GPC5: variants seen among roughly 807,000 people sequenced by gnomAD.
GPC5 encodes glypican-5.
In GPC5, 47 loss-of-function variants were observed where a neutral mutation model predicts 53.9. The observed-to-expected ratio is 0.87, with a 90% CI of 0.69 to 1.11. GPC5 has a LOEUF of 1.11. Ranked by LOEUF, GPC5 falls within the 50% of genes most tolerant of loss-of-function variation. The pLI, the probability that GPC5 is intolerant of heterozygous loss-of-function variation, is 0.00. For missense variants in GPC5, 748 were observed against 713.1 expected (o/e 1.05, Z -0.56); for synonymous variants, 286 against 263.3 (o/e 1.09, Z -0.84).
At chr13:92,864,355 A>G (rs548186543) in intron 7 of GPC5, among the ~76,000 whole-genome samples, 7 of 152,306 alleles carry the variant, frequency 4.6e-5, no homozygotes, top group African/African-American at 1.7e-4. Flanking sequence ...GCTTGCAGGC[A>G]TAAGATTTAA....
intron 7 of GPC5, among the ~76,000 whole-genome samples, chr13:92,301,645 G>A (rs1046263649): frequency 2.0e-5 from 3 of 151,962 alleles, no homozygotes; most frequent in Non-Finnish European, 4.4e-5. Context: ...CCAGCACTTC[G>A]GGAGACCAAG....
intron 7 of GPC5, among the ~76,000 whole-genome samples, chr13:92,246,495 A>G (rs570451458): frequency 4.4e-4 from 67 of 152,234 alleles, no homozygotes; most frequent in African/African-American, 1.6e-3. Flanking sequence ...TCATTTGCCA[A>G]TAAGCCACAC....
intron 7 of GPC5, among the ~76,000 whole-genome samples, chr13:92,850,008 G>A (rs1218092269): frequency 6.6e-6 from 1 of 152,184 alleles, no homozygotes; most frequent in African/African-American, 2.4e-5. Context: ...CAAAGATTCA[G>A]TGGCAAGACC....
intron 2 of GPC5, among the ~76,000 whole-genome samples, chr13:91,603,140 T>C (rs2033234787): frequency 6.6e-6 from 1 of 152,220 alleles, no homozygotes. Flanking sequence ...ACTGGCCATG[T>C]ATTACTGGAG....
intron 7 of GPC5, among the ~76,000 whole-genome samples, chr13:92,407,617 G>A (rs954587619): frequency 1.3e-5 from 2 of 152,086 alleles, no homozygotes; most frequent in Non-Finnish European, 2.9e-5. Context: ...AATTGAATAT[G>A]TAGCTATATG....
chr13:91,624,688 C>A (rs551823985), intron 2 of GPC5, among the ~76,000 whole-genome samples: 1 of 151,998 alleles, frequency 6.6e-6, no homozygotes, highest in East Asian at 1.9e-4. Context: ...CATGTTTTAT[C>A]ATAATAAAAT....
At chr13:91,885,351 T>G (rs1346526293) in intron 5 of GPC5, among the ~76,000 whole-genome samples, 1 of 152,248 alleles carries the variant, frequency 6.6e-6, no homozygotes, top group African/African-American at 2.4e-5. Flanking sequence ...ATTTTAGTTT[T>G]AAGGAAGTTT....
At chr13:92,557,114 C>T (rs1425589871) in intron 7 of GPC5, among the ~76,000 whole-genome samples, 1 of 151,178 alleles carries the variant, frequency 6.6e-6, no homozygotes, top group Non-Finnish European at 1.5e-5. Context: ...AAAAAAGGGA[C>T]GGGGGAGATC....
chr13:91,688,074 T>C (rs538781702), intron 2 of GPC5, among the ~76,000 whole-genome samples: 9 of 152,136 alleles, frequency 5.9e-5, no homozygotes, highest in Non-Finnish European at 1.2e-4. Flanking sequence ...ATCAAAATGT[T>C]AATTCAGTAA....
chr13:92,272,435 A>C (rs1463255830), intron 7 of GPC5, among the ~76,000 whole-genome samples: 1 of 152,200 alleles, frequency 6.6e-6, no homozygotes, highest in Non-Finnish European at 1.5e-5. Flanking sequence ...TGATTTATGA[A>C]ATAGAATTGA....
chr13:92,228,761 AACAC>A (rs965504531), intron 7 of GPC5, among the ~76,000 whole-genome samples: 1 of 151,954 alleles, frequency 6.6e-6, no homozygotes, highest in Non-Finnish European at 1.5e-5. Flanking sequence ...CACACACACA[AACAC>A]ACACAGAACT....
chr13:92,426,242 G>A (rs1399504282), intron 7 of GPC5, among the ~76,000 whole-genome samples: 1 of 152,018 alleles, frequency 6.6e-6, no homozygotes, highest in Non-Finnish European at 1.5e-5. Flanking sequence ...GTGGGACAGA[G>A]CACTGAAAGT....
At chr13:92,355,396 C>G (rs2043513598) in intron 7 of GPC5, among the ~76,000 whole-genome samples, 1 of 152,168 alleles carries the variant, frequency 6.6e-6, no homozygotes, top group Non-Finnish European at 1.5e-5. Flanking sequence ...CCTGCAGACT[C>G]TGGCTTTATC....
chr13:92,848,655 G>A (rs1878688729), intron 7 of GPC5, among the ~76,000 whole-genome samples: 1 of 152,032 alleles, frequency 6.6e-6, no homozygotes, highest in African/African-American at 2.4e-5. Context: ...CTGTGTGTGT[G>A]TCTATATATA....
At chr13:91,719,304 G>C (rs2036414556) in intron 3 of GPC5, among the ~76,000 whole-genome samples, 1 of 152,238 alleles carries the variant, frequency 6.6e-6, no homozygotes, top group African/African-American at 2.4e-5. Flanking sequence ...TGACCCTCCA[G>C]CCGCCCCTAG....
At chr13:92,673,334 T>C (rs1302169143) in intron 7 of GPC5, among the ~76,000 whole-genome samples, 2 of 151,362 alleles carry the variant, frequency 1.3e-5, no homozygotes, top group Non-Finnish European at 2.9e-5. Flanking sequence ...CAGGCTGGAG[T>C]GCAGTGGCAT....
At chr13:91,742,562 A>G (rs912543383) in intron 4 of GPC5, among the ~76,000 whole-genome samples, 1 of 152,184 alleles carries the variant, frequency 6.6e-6, no homozygotes, top group Admixed American at 6.5e-5. Context: ...CACGAACTAG[A>G]AGTTGACATT....
At chr13:91,497,082 T>A (rs971703118) in intron 2 of GPC5, among the ~76,000 whole-genome samples, 8 of 152,178 alleles carry the variant, frequency 5.3e-5, no homozygotes, top group South Asian at 2.1e-4. Flanking sequence ...TGTTTTTTTT[T>A]AAAGATATTT....
chr13:91,588,535 T>C (rs2032681493), intron 2 of GPC5, among the ~76,000 whole-genome samples: 2 of 152,132 alleles, frequency 1.3e-5, no homozygotes, highest in Non-Finnish European at 2.9e-5. Flanking sequence ...ACAGGTGATG[T>C]ATTCTCCTCA....
Sources: allele counts gnomAD v4.1 joint callset (sites outside exome capture counted in the v4.1 genomes callset), GRCh38; gene constraint gnomAD v4.1.1; transcripts MANE v1.5; gene names NCBI Gene and HGNC (gene_info 2026-07-23, HGNC 2026-07-21).